Variants in SHISA6 observed in about 807,000 individuals in gnomAD.
The protein encoded by SHISA6 is protein shisa-6.
A neutral mutation model predicts 47.9 loss-of-function variants in SHISA6; 22 were observed. The ratio of observed to expected loss-of-function variants is 0.46; its 90% CI spans 0.33 to 0.66. The LOEUF (loss-of-function observed/expected upper bound fraction) is 0.66, where lower values mean the gene tolerates loss of function less well. SHISA6 is among the 30% of genes least tolerant of loss of function. The pLI, the probability that SHISA6 is intolerant of heterozygous loss-of-function variation, is 0.02. For synonymous variants in SHISA6, 388 were observed against 337.8 expected, an observed-to-expected ratio of 1.15 and a Z score of -1.63; for missense variants, 680 against 764.6, an observed-to-expected ratio of 0.89 and a Z score of 1.30.
intron 3 of SHISA6, among the ~76,000 whole-genome samples, chr17:11,459,626 A>G (rs543916057): frequency 6.6e-6 from 1 of 152,184 alleles, no homozygotes; most frequent in Non-Finnish European, 1.5e-5. Context: ...GGTAGAGGAA[A>G]GGTTCTGTGA....
At chr17:11,418,925 T>A (rs539195580) in intron 3 of SHISA6, among the ~76,000 whole-genome samples, 1 of 152,190 alleles carries the variant, frequency 6.6e-6, no homozygotes, top group Non-Finnish European at 1.5e-5. Flanking sequence ...GTCTTTCCAT[T>A]CCTCTGCTTA....
At chr17:11,557,714 C>T in intron 5 of SHISA6, 40 bp from the exon 6 acceptor site, 1 of 1,493,802 alleles carries the variant, frequency 6.7e-7, no homozygotes, top group South Asian at 1.3e-5. Context: ...GCTGCAGGGT[C>T]ACCCCAGTTG....
chr17:11,507,275 G>A lies in SHISA6; in HGVS notation c.896-44621G>A, dbSNP rs117339952. 5.4e-4 allele frequency among the ~76,000 whole-genome samples: 83 copies of A among 152,322 alleles called. No individual in the cohort carries two copies. In the East Asian group the frequency reaches 0.016, roughly 29 times the overall value. The stretch of plus-strand genomic sequence containing the variant: ...GGACAGGCAGGCTGGGGAACAGAAT[G>A]TCTATCTTTTCCTTACAAGGAGCAC... On this transcript the variant is annotated intron_variant, in intron 3 of 5. Coordinates refer to ENST00000441885, the MANE Select transcript of SHISA6 (RefSeq NM_207386.4).
chr17:11,394,078 T>G (rs527687899), intron 3 of SHISA6, among the ~76,000 whole-genome samples: 4 of 152,358 alleles, frequency 2.6e-5, no homozygotes, highest in African/African-American at 7.2e-5. Context: ...TATGCTGTCT[T>G]GCCTAATGCC....
intron 2 of SHISA6, among the ~76,000 whole-genome samples, chr17:11,370,942 AGT>A (rs1268360239): frequency 6.6e-6 from 1 of 152,144 alleles, no homozygotes; most frequent in Non-Finnish European, 1.5e-5. Flanking sequence ...CGCCAGCAGC[AGT>A]GTAGGCAGAG....
Position 11,560,832 on chromosome 17 carries a change from T to C in SHISA6, c.*2528T>C, listed in dbSNP as rs2072035955. 6.6e-6 allele frequency: 1 copy of C among 152,042 alleles called. No homozygotes were observed. Among genetic ancestry groups the C allele is most frequent in the East Asian group, 1.9e-4 (1 of 5,154 alleles). 9.4% of individuals were successfully genotyped at this position (152,042 alleles called of 1,614,324 possible). Reference sequence around the variant, plus strand: ...CTGAAAGGCTCTGATGTCAGTTGGGTTGGAAAATTCTACTGCAATGCTTAC... The same window carrying C: ...CTGAAAGGCTCTGATGTCAGTTGGGCTGGAAAATTCTACTGCAATGCTTAC... On this transcript the variant is annotated 3_prime_UTR_variant, in exon 6 of 6. Transcript: ENST00000441885.
chr17:11,358,498 T>G lies in SHISA6; in HGVS notation c.800-20916T>G, dbSNP rs945029507. 2.0e-5 allele frequency among the ~76,000 whole-genome samples: 3 copies of G among 151,626 alleles called. No homozygotes were observed. In the East Asian group the frequency reaches 5.8e-4, roughly 29 times the overall value. On this transcript the variant is annotated intron_variant, in intron 2 of 5. Transcript: ENST00000441885. ...CCTCAGCCTCCCGAGTAGCTGGGACTACAGGCGCCCGCCACTATGCCTGGT... is the reference window on the plus strand; with the variant it reads ...CCTCAGCCTCCCGAGTAGCTGGGACGACAGGCGCCCGCCACTATGCCTGGT...
At chr17:11,548,005 G>T (rs1225992195) in intron 3 of SHISA6, among the ~76,000 whole-genome samples, 1 of 152,112 alleles carries the variant, frequency 6.6e-6, no homozygotes, top group Non-Finnish European at 1.5e-5. Flanking sequence ...CCAAGTATGG[G>T]AAGGCAATAT....
chr17:11,363,333 A>C (rs1912347957), intron 2 of SHISA6, among the ~76,000 whole-genome samples: 1 of 151,982 alleles, frequency 6.6e-6, no homozygotes, highest in Admixed American at 6.6e-5. Flanking sequence ...ATTTTTGAGC[A>C]GTGTTGTGGA....
intron 2 of SHISA6, among the ~76,000 whole-genome samples, chr17:11,342,072 A>T (rs1199781506): frequency 2.0e-5 from 3 of 151,964 alleles, no homozygotes; most frequent in African/African-American, 7.2e-5. Flanking sequence ...CTCTTGAATG[A>T]CTTCTCTGCC....
intron 3 of SHISA6, among the ~76,000 whole-genome samples, chr17:11,386,478 A>G: frequency 6.6e-6 from 1 of 152,222 alleles, no homozygotes; most frequent in East Asian, 1.9e-4. Flanking sequence ...TAGAGTTTTA[A>G]TGTTAAGGAT....
intron 3 of SHISA6, among the ~76,000 whole-genome samples, chr17:11,418,083 T>C (rs1377620716): frequency 6.6e-6 from 1 of 152,204 alleles, no homozygotes; most frequent in Non-Finnish European, 1.5e-5. Flanking sequence ...TCATAACAAA[T>C]GCCTTCCAAA....
At position 11,406,132 on chromosome 17, in the gene SHISA6, T is replaced by C. The variant is rs568621588; in HGVS notation, c.895+26623T>C. Among the ~76,000 whole-genome samples the C allele has an allele frequency of 2.0e-5, 3 of 152,322 alleles. No homozygotes were observed. The East Asian group carries it at 5.8e-4, about 29-fold the overall frequency. On this transcript the variant is annotated intron_variant, in intron 3 of 5. Coordinates refer to ENST00000441885, the MANE Select transcript of SHISA6 (RefSeq NM_207386.4). ...TGTTGGTTAATGGCTTCTTGGCTTCTCTGTCTCTCTCCTGGAGCAACCTGC... is the reference window on the plus strand; with the variant it reads ...TGTTGGTTAATGGCTTCTTGGCTTCCCTGTCTCTCTCCTGGAGCAACCTGC...
chr17:11,496,860 AG>A (rs1308998774), intron 3 of SHISA6, among the ~76,000 whole-genome samples: 1 of 152,212 alleles, frequency 6.6e-6, no homozygotes, highest in Non-Finnish European at 1.5e-5. Context: ...CCAATTATTG[AG>A]ATTCCTGCAA....
chr17:11,332,297 T>C (rs1342705529), intron 2 of SHISA6, among the ~76,000 whole-genome samples: 1 of 151,338 alleles, frequency 6.6e-6, no homozygotes. Flanking sequence ...GCTGGGTGAG[T>C]CATCCGTGGG....
chr17:11,257,026 G>T lies in SHISA6; in HGVS notation c.639-6340G>T, dbSNP rs1001476239. On this transcript the variant is annotated intron_variant, in intron 1 of 5. Coordinates refer to ENST00000441885, the MANE Select transcript of SHISA6 (RefSeq NM_207386.4). Reference sequence around the variant, plus strand: ...GGCCATGATGAATTTCAATTGTGCTGGGGACAACTCAGACCTGCAGAACAG... The same window carrying T: ...GGCCATGATGAATTTCAATTGTGCTTGGGACAACTCAGACCTGCAGAACAG... 2.6e-5 allele frequency among the ~76,000 whole-genome samples: 4 copies of T among 152,284 alleles called. No homozygotes were observed. In the East Asian group the frequency reaches 7.7e-4, roughly 29 times the overall value.
chr17:11,256,294 G>A (rs866757537), intron 1 of SHISA6, among the ~76,000 whole-genome samples: 3 of 152,126 alleles, frequency 2.0e-5, no homozygotes, highest in Admixed American at 6.5e-5. Flanking sequence ...TCAGGAGTTC[G>A]AGACCAGCCT....
At chr17:11,384,251 T>A (rs1273507823) in intron 3 of SHISA6, among the ~76,000 whole-genome samples, 2 of 152,182 alleles carry the variant, frequency 1.3e-5, no homozygotes, top group African/African-American at 4.8e-5. Context: ...GCGGAGCAGC[T>A]GAGGTGGTGG....
rs2071381999 is a variant in SHISA6, at chr17:11,493,410, A to G, written c.896-58486A>G. On this transcript the variant is annotated intron_variant, in intron 3 of 5. Transcript: ENST00000441885. ...CTCAGCTAATTTTTGTATTTTTAGT[A>G]GAGACAGGGTTTCATTATGTTGGTC... Among the ~76,000 whole-genome samples, 3 of 152,148 alleles carry G rather than the reference A, an allele frequency of 2.0e-5. No individual in the cohort carries two copies. In the South Asian group the frequency reaches 6.2e-4, roughly 32 times the overall value.
Sources: allele counts gnomAD v4.1 joint callset (sites outside exome capture counted in the v4.1 genomes callset), GRCh38; gene constraint gnomAD v4.1.1; transcripts MANE v1.5; gene names NCBI Gene and HGNC (gene_info 2026-07-23, HGNC 2026-07-21).